CSMD2: variants seen among roughly 807,000 people sequenced by gnomAD.
CSMD2 encodes the protein CUB and sushi domain-containing protein 2.
In CSMD2, 130 loss-of-function variants were observed where a neutral mutation model predicts 398.5. The observed-to-expected ratio is 0.33, with a 90% CI of 0.28 to 0.38. CSMD2 has a LOEUF of 0.38. Among genes scored for constraint, CSMD2 ranks in the 10% least tolerant of loss-of-function variants. The pLI, the probability that CSMD2 is intolerant of heterozygous loss-of-function variation, is 1.00. For missense variants in CSMD2, 3,829 were observed against 4,764.9 expected (o/e 0.80, Z 5.78); for synonymous variants, 1,828 against 1,908.5 (o/e 0.96, Z 1.10).
At chr1:33,907,735 A>C (rs1643190818) in intron 5 of CSMD2, among the ~76,000 whole-genome samples, 1 of 152,246 alleles carries the variant, frequency 6.6e-6, no homozygotes, top group South Asian at 2.1e-4. Flanking sequence ...TTGCCATTTC[A>C]TCGGACTGTC....
intron 6 of CSMD2, among the ~76,000 whole-genome samples, chr1:33,835,762 G>C (rs1419640257): frequency 6.9e-6 from 1 of 144,612 alleles, no homozygotes; most frequent in Admixed American, 6.9e-5. Flanking sequence ...TTAGCCATTT[G>C]TCTAATCTTT....
At chr1:33,798,472 C>T (rs1438328642) in intron 10 of CSMD2, among the ~76,000 whole-genome samples, 1 of 151,966 alleles carries the variant, frequency 6.6e-6, no homozygotes, top group African/African-American at 2.4e-5. Context: ...GGAAGGGGGT[C>T]CATAGAGGAG....
In CSMD2 at chr1:33,722,148, A is replaced by G. The variant is rs561520410; in HGVS notation, c.3001+2049T>C. ...TCTTAATTTTTCAGTATAATACATA[A>G]TATCTTAGGGGAAATCTTTGAAGCT... On this transcript the variant is annotated intron_variant, in intron 19 of 70. Transcript: ENST00000373381. Among the ~76,000 whole-genome samples, 3 of 152,322 alleles carry G rather than the reference A, an allele frequency of 2.0e-5. No individual in the cohort carries two copies. In the East Asian group the frequency reaches 5.8e-4, roughly 29 times the overall value.
chr1:34,072,528 T>A (rs1354885629), intron 2 of CSMD2, among the ~76,000 whole-genome samples: 1 of 152,168 alleles, frequency 6.6e-6, no homozygotes. Flanking sequence ...TAGGGGAATG[T>A]TGCGTCTTTG....
chr1:34,114,566 T>C (rs925306525), intron 1 of CSMD2, among the ~76,000 whole-genome samples: 4 of 152,082 alleles, frequency 2.6e-5, no homozygotes, highest in Admixed American at 6.6e-5. Flanking sequence ...CTGGGCATAG[T>C]GGTACACCTA....
At chr1:33,850,395 C>T (rs1172639068) in intron 5 of CSMD2, among the ~76,000 whole-genome samples, 1 of 152,216 alleles carries the variant, frequency 6.6e-6, no homozygotes, top group Non-Finnish European at 1.5e-5. Flanking sequence ...CATGGTCACA[C>T]AGCTATTAAG....
chr1:33,887,118 G>A (rs995182462), intron 5 of CSMD2, among the ~76,000 whole-genome samples: 3 of 151,658 alleles, frequency 2.0e-5, no homozygotes, highest in Non-Finnish European at 2.9e-5. Context: ...CTGTTTCCTC[G>A]GACATTCACA....
chr1:33,768,706 C>T (rs1650870787), intron 13 of CSMD2, among the ~76,000 whole-genome samples: 3 of 152,040 alleles, frequency 2.0e-5, no homozygotes. Context: ...CATCTCTTTC[C>T]CTTCCAACTC....
chr1:33,641,948 G>T (rs1295062679), intron 29 of CSMD2, among the ~76,000 whole-genome samples: 1 of 152,180 alleles, frequency 6.6e-6, no homozygotes, highest in African/African-American at 2.4e-5. Flanking sequence ...TGCCCCTTCT[G>T]CAAAAGCCTA....
chr1:33,638,187 A>G (rs1642915823), intron 29 of CSMD2, among the ~76,000 whole-genome samples: 1 of 152,088 alleles, frequency 6.6e-6, no homozygotes, highest in South Asian at 2.1e-4. Flanking sequence ...CCCGTGATGC[A>G]TTGCCTTGAC....
At chr1:33,865,769 A>G (rs1022520614) in intron 5 of CSMD2, among the ~76,000 whole-genome samples, 2 of 152,304 alleles carry the variant, frequency 1.3e-5, no homozygotes, top group South Asian at 2.1e-4. Flanking sequence ...GATGAACAAC[A>G]CATTTCATTT....
intron 25 of CSMD2, among the ~76,000 whole-genome samples, chr1:33,682,671 T>C (rs890446877): frequency 3.3e-5 from 5 of 152,154 alleles, no homozygotes; most frequent in East Asian, 1.9e-4. Flanking sequence ...TACTTGCCTG[T>C]GTGAGTCGGT....
At chr1:33,587,928 T>C (rs1639193761) in intron 44 of CSMD2, among the ~76,000 whole-genome samples, 1 of 152,202 alleles carries the variant, frequency 6.6e-6, no homozygotes, top group Non-Finnish European at 1.5e-5. Context: ...TCGTTACTAT[T>C]TCCAATCACC....
Position 34,164,956 on chromosome 1 carries a change from G to T in CSMD2, c.142C>A (p.Leu48Met), listed in dbSNP as rs1195133598. ...RPPPPTPPPLLLLLGCGLLSV... is the reference protein window; with the variant it reads ...RPPPPTPPPLMLLLGCGLLSV... ...AGCAACCCACAGCCCAGCAACAGCAGCAGAGGCGGCGGCGTTGGCGGCGGC... is the reference window on the plus strand; with the variant it reads ...AGCAACCCACAGCCCAGCAACAGCATCAGAGGCGGCGGCGTTGGCGGCGGC... Residue 48 changes from leucine (L) to methionine (M), a missense_variant, in exon 1 of 71, where the codon CTG (leucine) becomes ATG (methionine). Leu to Met is a conservative substitution (Grantham distance 15, BLOSUM62 2). Coordinates refer to ENST00000373381, the MANE Select transcript of CSMD2 (RefSeq NM_001281956.2). The surrounding 1 kb of genome is among the most constrained non-coding windows in gnomAD (Gnocchi z 6.2). 2 of 1,220,740 alleles carry T rather than the reference G, an allele frequency of 1.6e-6. No homozygotes were observed. Among genetic ancestry groups the T allele is most frequent in the Admixed American group, 8.6e-5 (2 of 23,200 alleles). 75.6% of individuals were successfully genotyped at this position (1,220,740 alleles called of 1,614,324 possible).
intron 3 of CSMD2, among the ~76,000 whole-genome samples, chr1:33,949,413 T>C (rs1039489991): frequency 1.0e-4 from 15 of 148,674 alleles, no homozygotes; most frequent in African/African-American, 3.7e-4. Flanking sequence ...CGGCATCCCT[T>C]AGACCTACAC....
intron 20 of CSMD2, 101 bp downstream of exon 20, chr1:33,716,185 G>T: frequency 1.0e-6 from 1 of 989,116 alleles, no homozygotes; most frequent in Non-Finnish European, 1.5e-6. Context: ...ACTGGAGAGT[G>T]GATTAATATC....
chr1:33,667,638 G>A lies in CSMD2; in HGVS notation c.4053-4546C>T, dbSNP rs896818124. Among the ~76,000 whole-genome samples, 6 of 152,194 alleles carry A rather than the reference G, an allele frequency of 3.9e-5. No homozygotes were observed. The East Asian group carries it at 5.8e-4, about 15-fold the overall frequency. ...TCAACAGTTTATATGTGAGTCATACGTAAGCTGATATGAATTAAAAATGCC... is the reference window on the plus strand; with the variant it reads ...TCAACAGTTTATATGTGAGTCATACATAAGCTGATATGAATTAAAAATGCC... On this transcript the variant is annotated intron_variant, in intron 25 of 70. Transcript: ENST00000373381.
chr1:33,936,655 G>A (rs1164662853), intron 3 of CSMD2, among the ~76,000 whole-genome samples: 2 of 152,204 alleles, frequency 1.3e-5, no homozygotes, highest in Non-Finnish European at 2.9e-5. Context: ...TCTTGGGGAA[G>A]GTGCAAGAGC....
Position 33,626,525 on chromosome 1 carries a change from C to T in CSMD2, c.5257G>A (p.Gly1753Ser). The change falls in exon 33 of 71, where the codon GGC becomes AGC. Residue 1753 changes from glycine to serine, a missense_variant. Gly to Ser is a moderately conservative substitution (Grantham distance 56). Transcript: ENST00000373381. ...NQVLIKFSAK[G>S]LAPARGFHFV... ...TGGAAGCCTCTGGCTGGTGCGAGGC[C>T]TTTGGCGCTGAACTTAATGAGAACT... 1 of 1,609,392 alleles carries T rather than the reference C, an allele frequency of 6.2e-7. No homozygotes were observed. The highest frequency in any genetic ancestry group is 1.1e-5 in the South Asian group (1 of 89,434).
Sources: gnomAD v4.1 joint callset for allele counts (sites outside exome capture counted in the v4.1 genomes callset) on GRCh38, gnomAD v4.1.1 for gene constraint, Gnocchi (gnomAD v3.1) non-coding constraint, MANE v1.5 for transcripts, NCBI Gene and HGNC (gene_info 2026-07-23, HGNC 2026-07-21) for gene names.